Variants in UNC5B observed in about 807,000 individuals in gnomAD.
UNC5B encodes the protein netrin receptor UNC5B.
UNC5B carries 56 observed loss-of-function variants against 103.7 expected under a neutral mutation model. The ratio of observed to expected loss-of-function variants is 0.54; its 90% CI spans 0.44 to 0.67. The LOEUF (loss-of-function observed/expected upper bound fraction) is 0.67, where lower values mean the gene tolerates loss of function less well. Ranked by LOEUF, UNC5B falls within the 30% of genes least tolerant of loss-of-function variation. The pLI, the probability that UNC5B is intolerant of heterozygous loss-of-function variation, is 0.00. For missense variants in UNC5B, 1,194 were observed against 1,284.5 expected (o/e 0.93, Z 1.08); for synonymous variants, 577 against 542.0 (o/e 1.06, Z -0.90).
chr10:71,249,155 A>C (rs894747986), intron 1 of UNC5B, among the ~76,000 whole-genome samples: 3 of 152,174 alleles, frequency 2.0e-5, no homozygotes, highest in African/African-American at 7.2e-5. Flanking sequence ...GAACGCACTC[A>C]TGAGAACGTG....
intron 1 of UNC5B, among the ~76,000 whole-genome samples, chr10:71,267,078 G>C (rs535101859): frequency 6.6e-6 from 1 of 152,170 alleles, no homozygotes. Flanking sequence ...GTCTTGGAAC[G>C]TATCCCCCAC....
chr10:71,222,618 G>A (rs1463003553), intron 1 of UNC5B, among the ~76,000 whole-genome samples: 1 of 152,198 alleles, frequency 6.6e-6, no homozygotes, highest in African/African-American at 2.4e-5. Context: ...GTGGGACAGA[G>A]AGTCCCAAAG....
intron 1 of UNC5B, among the ~76,000 whole-genome samples, chr10:71,256,388 G>A (rs1008203161): frequency 3.3e-5 from 5 of 152,212 alleles, no homozygotes; most frequent in East Asian, 1.9e-4. Flanking sequence ...TGGCTGCCGC[G>A]TCTCCCCAGT....
chr10:71,272,463 G>A (rs546245104), intron 1 of UNC5B, among the ~76,000 whole-genome samples: 7 of 152,238 alleles, frequency 4.6e-5, no homozygotes, highest in African/African-American at 7.2e-5. Context: ...TGAGGTCTCC[G>A]CCCTGGGCAA....
intron 1 of UNC5B, among the ~76,000 whole-genome samples, chr10:71,252,127 T>G (rs75391703): frequency 0.014 from 2,200 of 152,338 alleles, 39 homozygotes; most frequent in African/African-American, 0.046. Flanking sequence ...TCTTCAGTGG[T>G]ATCTGAATCT....
At position 71,247,692 on chromosome 10, in the gene UNC5B, A is replaced by T. The variant is rs548869402; in HGVS notation, c.80-32129A>T. Among the ~76,000 whole-genome samples the T allele has an allele frequency of 5.3e-5, 8 of 152,318 alleles. No individual in the cohort carries two copies. In the South Asian group the frequency reaches 1.7e-3, roughly 32 times the overall value. On this transcript the variant is annotated intron_variant, in intron 1 of 16. Coordinates refer to ENST00000335350, the MANE Select transcript of UNC5B (RefSeq NM_170744.5). The stretch of plus-strand genomic sequence containing the variant: ...GCCCCAGCATGGATGTGAGCGAGCC[A>T]CAGCACCCACACTGGGACCTTTGCA...
chr10:71,275,462 C>A (rs1844747615), intron 1 of UNC5B, among the ~76,000 whole-genome samples: 1 of 152,214 alleles, frequency 6.6e-6, no homozygotes, highest in African/African-American at 2.4e-5. Context: ...GGTGACCCTT[C>A]ATGTCCCTTG....
chr10:71,271,595 T>A lies in UNC5B; in HGVS notation c.80-8226T>A, dbSNP rs1012923412. Among the ~76,000 whole-genome samples, 3 of 152,184 alleles carry A rather than the reference T, an allele frequency of 2.0e-5. No individual in the cohort carries two copies. The South Asian group carries it at 6.2e-4, about 32-fold the overall frequency. On this transcript the variant is annotated intron_variant, in intron 1 of 16. Coordinates refer to ENST00000335350, the MANE Select transcript of UNC5B (RefSeq NM_170744.5). ...GAAGTCAGGGTGGCCAGTGACCCAG[T>A]GACTCTAGTGCCCTTTCCAGCTCTG...
At chr10:71,288,920 A>G in intron 7 of UNC5B, 38 bp from the exon 8 acceptor site, 1 of 1,607,256 alleles carries the variant, frequency 6.2e-7, no homozygotes, top group Non-Finnish European at 8.5e-7. Flanking sequence ...TTTCCCTGTC[A>G]CCTATGTCAT....
chr10:71,268,816 A>G (rs1253769414), intron 1 of UNC5B, among the ~76,000 whole-genome samples: 1 of 152,194 alleles, frequency 6.6e-6, no homozygotes, highest in Non-Finnish European at 1.5e-5. Context: ...AGACTGTACC[A>G]AGGCATTTTG....
chr10:71,256,917 GGA>G (rs1844303626), intron 1 of UNC5B, among the ~76,000 whole-genome samples: 1 of 152,198 alleles, frequency 6.6e-6, no homozygotes, highest in South Asian at 2.1e-4. Flanking sequence ...GGTGTGGAGT[GGA>G]GAGGAAGACC....
At chr10:71,260,062 A>G (rs1158823135) in intron 1 of UNC5B, among the ~76,000 whole-genome samples, 2 of 152,082 alleles carry the variant, frequency 1.3e-5, no homozygotes, top group Non-Finnish European at 2.9e-5. Flanking sequence ...GGAGAGAGGT[A>G]GGGGGGGCAT....
At chr10:71,230,588 G>C (rs926606496) in intron 1 of UNC5B, among the ~76,000 whole-genome samples, 1 of 152,272 alleles carries the variant, frequency 6.6e-6, no homozygotes. Context: ...CCCTGGGTAT[G>C]TGGGCCTCCC....
intron 1 of UNC5B, among the ~76,000 whole-genome samples, chr10:71,253,342 A>G (rs1844219032): frequency 6.6e-6 from 1 of 152,222 alleles, no homozygotes; most frequent in East Asian, 1.9e-4. Flanking sequence ...AGTAGACAGT[A>G]CCCGAGTTTG....
At position 71,289,104 on chromosome 10, in the gene UNC5B, C is replaced by T. The variant is rs561545162; in HGVS notation, c.1099+114C>T. 3.0e-5 allele frequency: 42 copies of T among 1,398,650 alleles called. No homozygotes were observed. The African/African-American group carries it at 5.6e-4, about 19-fold the overall frequency. The allele number at this position is 1,398,650 out of a possible 1,614,324, so 86.6% of individuals were successfully genotyped here. ...GGGAGAGCTGAAGGTGCCTACCCAC[C>T]CCCCACGGGATCATCTACACCTGAC... is the stretch of plus-strand genomic sequence containing the variant. On this transcript the variant is annotated intron_variant, in intron 8 of 16. Coordinates refer to ENST00000335350, the MANE Select transcript of UNC5B (RefSeq NM_170744.5).
Position 71,213,732 on chromosome 10 carries a change from T to A in UNC5B, c.79+668T>A, listed in dbSNP as rs867831103. On this transcript the variant is annotated intron_variant, in intron 1 of 16. Transcript: ENST00000335350. This position sits in a 1 kb window ranked among gnomAD's most constrained non-coding sequence, Gnocchi z 4.1. ...TTAATTTTCTGAGTGTTGGAGAGTGTGTGTGTGTGTGTGTGTGTGTGTGTG... is the reference window on the plus strand; with the variant it reads ...TTAATTTTCTGAGTGTTGGAGAGTGAGTGTGTGTGTGTGTGTGTGTGTGTG... 1.4e-5 allele frequency among the ~76,000 whole-genome samples: 2 copies of A among 141,324 alleles called. No homozygotes were observed. Among genetic ancestry groups the A allele is most frequent in the African/African-American group, 5.7e-5 (2 of 35,234 alleles). The allele number at this position is 141,324 out of a possible 152,430, so 92.7% of individuals were successfully genotyped here.
At chr10:71,268,672 G>A (rs1001750240) in intron 1 of UNC5B, among the ~76,000 whole-genome samples, 3 of 152,236 alleles carry the variant, frequency 2.0e-5, no homozygotes, top group African/African-American at 7.2e-5. Flanking sequence ...GTTCTAGAGC[G>A]TGGCGCTGAG....
At chr10:71,217,606 C>T (rs558900709) in intron 1 of UNC5B, 4 of 152,294 alleles carry the variant, frequency 2.6e-5, no homozygotes, top group Admixed American at 6.5e-5. Context: ...CCACAGGTCC[C>T]CGCGGCGTTC....
At chr10:71,242,418 C>A (rs937965299) in intron 1 of UNC5B, among the ~76,000 whole-genome samples, 1 of 152,160 alleles carries the variant, frequency 6.6e-6, no homozygotes, top group Non-Finnish European at 1.5e-5. Flanking sequence ...GAGAGCCTGG[C>A]GTGGGCTTCT....
Sources: allele counts gnomAD v4.1 joint callset (sites outside exome capture counted in the v4.1 genomes callset), GRCh38; gene constraint gnomAD v4.1.1; non-coding constraint Gnocchi (gnomAD v3.1); transcripts MANE v1.5; gene names NCBI Gene and HGNC (gene_info 2026-07-23, HGNC 2026-07-21).